PCDHGB3: variants seen among roughly 807,000 people sequenced by gnomAD.
The protein encoded by PCDHGB3 is protocadherin gamma subfamily B, 3.
PCDHGB3 carries 40 observed loss-of-function variants against 59.2 expected under a neutral mutation model. The ratio of observed to expected loss-of-function variants is 0.68; its 90% CI spans 0.52 to 0.88. PCDHGB3 has a LOEUF of 0.88. Among genes scored for constraint, PCDHGB3 ranks in the 40% least tolerant of loss-of-function variants. The probability of loss-of-function intolerance (pLI) is 0.00; values close to 1 mark genes in which losing one functional copy is unlikely to be tolerated. For missense variants in PCDHGB3, 1,309 were observed against 1,187.9 expected, an observed-to-expected ratio of 1.10 and a Z score of -1.50; for synonymous variants, 581 against 503.6, an observed-to-expected ratio of 1.15 and a Z score of -2.06.
At chr5:141,421,579 T>A (rs753573473) in intron 1 of PCDHGB3, 1 of 1,613,934 alleles carries the variant, frequency 6.2e-7, no homozygotes, top group Non-Finnish European at 8.5e-7. Flanking sequence ...CTTGAAGATT[T>A]ACGGAGTGGA....
chr5:141,380,133 TA>T (rs926535688), intron 1 of PCDHGB3, among the ~76,000 whole-genome samples: 12 of 151,832 alleles, frequency 7.9e-5, no homozygotes, highest in African/African-American at 2.9e-4. Context: ...CTCCTGACCT[TA>T]AGTGATCCAC....
At chr5:141,443,317 C>A (rs898636207) in intron 1 of PCDHGB3, among the ~76,000 whole-genome samples, 39 of 142,046 alleles carry the variant, frequency 2.7e-4, no homozygotes, top group Non-Finnish European at 2.5e-4. Context: ...CCCATCTCTA[C>A]AAAAAAAAAA....
chr5:141,374,681 C>G, intron 1 of PCDHGB3: 1 of 1,610,216 alleles, frequency 6.2e-7, no homozygotes, highest in Non-Finnish European at 8.5e-7. Context: ...GGAGGGCACA[C>G]TGGACCGGGA....
chr5:141,454,865 TG>T (rs2098805228), intron 1 of PCDHGB3, among the ~76,000 whole-genome samples: 1 of 135,344 alleles, frequency 7.4e-6, no homozygotes, highest in Non-Finnish European at 1.5e-5. Flanking sequence ...TGGAGTGCAG[TG>T]GCACGATCTT....
chr5:141,393,446 C>A (rs572838831), intron 1 of PCDHGB3: 1 of 1,614,038 alleles, frequency 6.2e-7, no homozygotes, highest in East Asian at 2.2e-5. Flanking sequence ...ACCACCTGGT[C>A]CTCACGGCCT....
chr5:141,511,010 A>G lies in PCDHGB3; in HGVS notation c.2627A>G (p.Tyr876Cys), dbSNP rs1286219897. 6.2e-6 allele frequency: 10 copies of G among 1,614,054 alleles called. No homozygotes were observed. Among genetic ancestry groups the G allele is most frequent in the African/African-American group, 1.3e-5 (1 of 74,916 alleles). Residue 876 changes from tyrosine to cysteine, a missense_variant, in exon 4 of 4, where the codon TAC becomes TGC. By Grantham distance (194) the Tyr-to-Cys change is radical (BLOSUM62 -2). Coordinates refer to ENST00000576222, the MANE Select transcript of PCDHGB3 (RefSeq NM_018924.5). ...GGCACCATGGGATTGAGCGCCCGCT[A>G]CGGACCCCAGTTCACCCTGCAGCAC... Reference protein sequence around the residue: ...GAGTMGLSARYGPQFTLQHVP... With the variant: ...GAGTMGLSARCGPQFTLQHVP...
chr5:141,433,812 G>A (rs535623556), intron 1 of PCDHGB3, among the ~76,000 whole-genome samples: 46 of 150,530 alleles, frequency 3.1e-4, no homozygotes, highest in African/African-American at 1.1e-3. Context: ...ACTCCAGCCT[G>A]GGCAACAAGA....
chr5:141,450,899 A>C (rs1045595271), intron 1 of PCDHGB3, among the ~76,000 whole-genome samples: 1 of 149,514 alleles, frequency 6.7e-6, no homozygotes, highest in Non-Finnish European at 1.5e-5. Context: ...ATATCGGCTC[A>C]CTGCAACCGC....
Position 141,432,436 on chromosome 5 carries a change from G to A in PCDHGB3, c.2415+59627G>A, listed in dbSNP as rs753833603. On this transcript the variant is annotated intron_variant, in intron 1 of 3. Coordinates refer to ENST00000576222, the MANE Select transcript of PCDHGB3 (RefSeq NM_018924.5). The surrounding 1 kb of genome is among the most constrained non-coding windows in gnomAD (Gnocchi z 6.0). ...TCGTGCTGGACCAGAACGACAATGC[G>A]CCCGAGATCCTGTACCCCGCCCTCC... The A allele has an allele frequency of 4.3e-6, 7 of 1,614,196 alleles. No homozygotes were observed. The highest frequency in any genetic ancestry group is 1.1e-5 in the South Asian group (1 of 91,084).
chr5:141,424,082 C>T (rs2096798510), intron 1 of PCDHGB3: 2 of 957,226 alleles, frequency 2.1e-6, no homozygotes, highest in East Asian at 1.1e-4. Flanking sequence ...TTATATTCCA[C>T]CATTATTTGC....
chr5:141,425,217 T>G (rs565640413), intron 1 of PCDHGB3, among the ~76,000 whole-genome samples: 51 of 152,294 alleles, frequency 3.3e-4, no homozygotes, highest in Middle Eastern at 3.4e-3. Flanking sequence ...GCATTGTACT[T>G]TGACTGGAAT....
chr5:141,398,325 G>A, intron 1 of PCDHGB3: 9 of 1,355,732 alleles, frequency 6.6e-6, no homozygotes, highest in Non-Finnish European at 8.2e-6. Flanking sequence ...CTCGAAAACT[G>A]CGCGTCAGTT....
chr5:141,427,726 T>G (rs2097061742), intron 1 of PCDHGB3: 1 of 1,155,034 alleles, frequency 8.7e-7, no homozygotes, highest in Non-Finnish European at 1.3e-6. Context: ...GACCTAGGGC[T>G]GAATGGCCAA....
intron 1 of PCDHGB3, among the ~76,000 whole-genome samples, chr5:141,466,868 CA>C (rs1343260699): frequency 1.3e-5 from 2 of 152,100 alleles, no homozygotes; most frequent in African/African-American, 2.4e-5. Flanking sequence ...GAAATCCACA[CA>C]TTTTTTTCAT....
chr5:141,444,406 G>A (rs1296878411), intron 1 of PCDHGB3, among the ~76,000 whole-genome samples: 1 of 151,874 alleles, frequency 6.6e-6, no homozygotes, highest in Non-Finnish European at 1.5e-5. Context: ...CCCAACCTCA[G>A]GTGATCTTCC....
chr5:141,442,414 ACTT>A (rs1258523193), intron 1 of PCDHGB3: 2 of 152,190 alleles, frequency 1.3e-5, no homozygotes, highest in Non-Finnish European at 2.9e-5. Flanking sequence ...GGCTGAGTGA[ACTT>A]CTTTTTTGAA....
intron 1 of PCDHGB3, among the ~76,000 whole-genome samples, chr5:141,492,329 C>T (rs2099739386): frequency 1.3e-5 from 2 of 152,232 alleles, no homozygotes; most frequent in African/African-American, 4.8e-5. Context: ...CGTGGGCTTA[C>T]GCGAATACCA....
rs748457785 is a variant in PCDHGB3 at position 141,489,197 on chromosome 5, A to G, written c.2416-5610A>G. On this transcript the variant is annotated intron_variant, in intron 1 of 3. Coordinates refer to ENST00000576222, the MANE Select transcript of PCDHGB3 (RefSeq NM_018924.5). This position sits in a 1 kb window ranked among gnomAD's most constrained non-coding sequence, Gnocchi z 4.5. ...TCCAAGCCCTGGGTCTACCTTGGAG[A>G]CAGGACAGCACAGACTTACTCTCCA... 7 of 1,391,050 alleles carry G rather than the reference A, an allele frequency of 5.0e-6. No individual in the cohort carries two copies. Among genetic ancestry groups the G allele is most frequent in the African/African-American group, 2.9e-5 (2 of 69,150 alleles). 86.2% of individuals were successfully genotyped at this position (1,391,050 alleles called of 1,614,324 possible).
chr5:141,401,587 T>C (rs1455949609), intron 1 of PCDHGB3, among the ~76,000 whole-genome samples: 3 of 152,226 alleles, frequency 2.0e-5, no homozygotes, highest in Non-Finnish European at 2.9e-5. Context: ...TCCTGACATA[T>C]TCTTGAAGAA....
Sources: gnomAD v4.1 joint callset for allele counts (sites outside exome capture counted in the v4.1 genomes callset) on GRCh38, gnomAD v4.1.1 for gene constraint, Gnocchi (gnomAD v3.1) non-coding constraint, MANE v1.5 for transcripts, NCBI Gene and HGNC (gene_info 2026-07-23, HGNC 2026-07-21) for gene names.